SKAP1: variants seen among roughly 807,000 people sequenced by gnomAD.
The protein encoded by SKAP1 is src kinase-associated phosphoprotein 1.
Under a neutral mutation model 58.5 loss-of-function variants are expected in SKAP1, and 44 were observed. That is an observed-to-expected ratio of 0.75 (90% CI 0.59 to 0.97). SKAP1 has a LOEUF of 0.97. Among genes scored for constraint, SKAP1 ranks in the 50% least tolerant of loss-of-function variants. The probability of loss-of-function intolerance (pLI) is 0.00; values close to 1 mark genes in which losing one functional copy is unlikely to be tolerated. For synonymous variants in SKAP1, 127 were observed against 149.7 expected, an observed-to-expected ratio of 0.85 and a Z score of 1.11; for missense variants, 390 against 435.2, an observed-to-expected ratio of 0.90 and a Z score of 0.92.
chr17:48,262,023 G>A lies in SKAP1; in HGVS notation c.281-72523C>T, dbSNP rs922082100. Among the ~76,000 whole-genome samples the A allele has an allele frequency of 4.6e-5, 7 of 152,224 alleles. No individual in the cohort carries two copies. The East Asian group carries it at 5.8e-4, about 13-fold the overall frequency. On this transcript the variant is annotated intron_variant, in intron 4 of 12. Coordinates refer to ENST00000336915, the MANE Select transcript of SKAP1 (RefSeq NM_003726.4). Reference sequence around the variant, plus strand: ...TGAGGGTTTGTTTCTTGCTGCCAAGGGTCTGCAACTTCGAATTGCCTGAAA... The same window carrying A: ...TGAGGGTTTGTTTCTTGCTGCCAAGAGTCTGCAACTTCGAATTGCCTGAAA...
At chr17:48,394,258 A>C (rs1479040028) in intron 2 of SKAP1, among the ~76,000 whole-genome samples, 1 of 152,108 alleles carries the variant, frequency 6.6e-6, no homozygotes, top group Non-Finnish European at 1.5e-5. Flanking sequence ...AAAATGACTA[A>C]AAAGAAACCC....
intron 10 of SKAP1, among the ~76,000 whole-genome samples, chr17:48,168,976 GTCC>G (rs1297242199): frequency 2.0e-5 from 3 of 152,170 alleles, no homozygotes; most frequent in Non-Finnish European, 4.4e-5. Flanking sequence ...AGAGCAAAAA[GTCC>G]TCCTGTTTTT....
intron 2 of SKAP1, among the ~76,000 whole-genome samples, chr17:48,395,149 T>C (rs1171753270): frequency 6.6e-6 from 1 of 152,200 alleles, no homozygotes; most frequent in Non-Finnish European, 1.5e-5. Context: ...TGTGTGTTCA[T>C]GCATGTGTGT....
chr17:48,200,017 C>T (rs182960541), intron 4 of SKAP1, among the ~76,000 whole-genome samples: 67 of 152,050 alleles, frequency 4.4e-4, no homozygotes, highest in Non-Finnish European at 7.7e-4. Context: ...AAGGCTGGCG[C>T]GGTGGCTTAT....
intron 11 of SKAP1, among the ~76,000 whole-genome samples, chr17:48,155,847 C>T (rs961458126): frequency 1.3e-5 from 2 of 152,108 alleles, no homozygotes; most frequent in African/African-American, 2.4e-5. Flanking sequence ...AGAGAGACTC[C>T]GTCTCAAGAA....
At chr17:48,371,625 A>G (rs78983331) in intron 2 of SKAP1, among the ~76,000 whole-genome samples, 22,953 of 127,764 alleles carry the variant, frequency 0.18, 1,987 homozygotes, top group Non-Finnish European at 0.19. Context: ...GGGACCAGCC[A>G]TGGGTAACAT....
intron 3 of SKAP1, among the ~76,000 whole-genome samples, chr17:48,352,840 A>G (rs1348762846): frequency 2.0e-5 from 3 of 152,200 alleles, no homozygotes; most frequent in Non-Finnish European, 4.4e-5. Flanking sequence ...AACTTGTCTG[A>G]TTACTAAGCT....
intron 4 of SKAP1, among the ~76,000 whole-genome samples, chr17:48,268,680 C>CG (rs1567845750): frequency 1.3e-5 from 2 of 151,768 alleles, no homozygotes; most frequent in African/African-American, 2.4e-5. Context: ...TTAGTAGAGA[C>CG]GGGGTCTCAC....
chr17:48,399,305 G>C (rs1286929493), intron 1 of SKAP1, among the ~76,000 whole-genome samples: 1 of 151,888 alleles, frequency 6.6e-6, no homozygotes, highest in Non-Finnish European at 1.5e-5. Flanking sequence ...ATAGAATAAA[G>C]GAAAAAAACC....
intron 2 of SKAP1, among the ~76,000 whole-genome samples, chr17:48,371,443 G>A (rs2067084473): frequency 6.6e-6 from 1 of 151,952 alleles, no homozygotes; most frequent in Non-Finnish European, 1.5e-5. Flanking sequence ...AAAGTACTCA[G>A]AGCTTTATTC....
intron 4 of SKAP1, among the ~76,000 whole-genome samples, chr17:48,335,623 G>C (rs1026066279): frequency 6.6e-6 from 1 of 151,892 alleles, no homozygotes; most frequent in Middle Eastern, 3.2e-3. Flanking sequence ...TTGTAAAACT[G>C]GTAAAATTAA....
chr17:48,409,509 A>G (rs993911348), intron 1 of SKAP1, among the ~76,000 whole-genome samples: 1 of 152,098 alleles, frequency 6.6e-6, no homozygotes, highest in South Asian at 2.1e-4. Context: ...TACCAAAAAT[A>G]CAAAAAAGAA....
intron 10 of SKAP1, among the ~76,000 whole-genome samples, chr17:48,165,425 A>G (rs531896382): frequency 7.3e-6 from 1 of 137,296 alleles, no homozygotes; most frequent in East Asian, 2.1e-4. Flanking sequence ...TTTGAGGCGA[A>G]GTTTTGCTCC....
At chr17:48,437,989 AC>A in the SKAP1 span, among the ~76,000 whole-genome samples, 1 of 151,978 alleles carries the variant, frequency 6.6e-6, no homozygotes, top group African/African-American at 2.4e-5. Flanking sequence ...ATGGCTTCTA[AC>A]CCGGCCTCCC....
At chr17:48,134,901 AC>A (rs2063680906) in intron 12 of SKAP1, among the ~76,000 whole-genome samples, 1 of 151,934 alleles carries the variant, frequency 6.6e-6, no homozygotes, top group Non-Finnish European at 1.5e-5. Flanking sequence ...ATGGGGTTTC[AC>A]CATGTTGGTG....
intron 4 of SKAP1, among the ~76,000 whole-genome samples, chr17:48,288,769 A>G (rs2065865209): frequency 6.6e-6 from 1 of 152,234 alleles, no homozygotes; most frequent in Non-Finnish European, 1.5e-5. Flanking sequence ...TTGTTATCAT[A>G]ACCGTGTCTA....
At chr17:48,416,203 T>C (rs1196004264) in intron 1 of SKAP1, among the ~76,000 whole-genome samples, 1 of 119,902 alleles carries the variant, frequency 8.3e-6, no homozygotes, top group Non-Finnish European at 1.8e-5. Context: ...TTTTCAATGA[T>C]ACCTGTATTT....
intron 4 of SKAP1, among the ~76,000 whole-genome samples, chr17:48,282,907 C>T (rs1349177517): frequency 6.6e-6 from 1 of 152,016 alleles, no homozygotes; most frequent in African/African-American, 2.4e-5. Flanking sequence ...AAATGCCATC[C>T]ACTCTTAGCA....
chr17:48,366,772 C>G (rs2067008510), intron 2 of SKAP1, among the ~76,000 whole-genome samples: 1 of 152,040 alleles, frequency 6.6e-6, no homozygotes, highest in African/African-American at 2.4e-5. Context: ...CTTCCCTAAC[C>G]CCCAATTCCT....
Sources: gnomAD v4.1 joint callset for allele counts (sites outside exome capture counted in the v4.1 genomes callset) on GRCh38, gnomAD v4.1.1 for gene constraint, MANE v1.5 for transcripts, NCBI Gene and HGNC (gene_info 2026-07-23, HGNC 2026-07-21) for gene names.